Variants in SLC3A1 observed in about 807,000 individuals in gnomAD.
The protein encoded by SLC3A1 is solute carrier family 3 member 1.
In SLC3A1, 78 loss-of-function variants were observed where a neutral mutation model predicts 60.3. That is an observed-to-expected ratio of 1.29 (90% confidence interval 1.08 to 1.56). The LOEUF (loss-of-function observed/expected upper bound fraction) is 1.56, where lower values mean the gene tolerates loss of function less well. Ranked by LOEUF, SLC3A1 falls within the 40% of genes most tolerant of loss-of-function variation. The pLI is 0.00. For synonymous variants in SLC3A1, 392 were observed against 307.9 expected, an observed-to-expected ratio of 1.27 and a Z score of -2.86; for missense variants, 1,172 against 858.9, an observed-to-expected ratio of 1.36 and a Z score of -4.56.
intron 4 of SLC3A1, among the ~76,000 whole-genome samples, chr2:44,298,950 G>A (rs1342276855): frequency 6.6e-6 from 1 of 151,312 alleles, no homozygotes; most frequent in Admixed American, 6.6e-5. Context: ...AAATGTATGA[G>A]AACCTGGATT....
intron 4 of SLC3A1, among the ~76,000 whole-genome samples, chr2:44,299,266 T>G (rs575389806): frequency 1.3e-5 from 2 of 152,140 alleles, no homozygotes; most frequent in Non-Finnish European, 2.9e-5. Flanking sequence ...GTCAAACTCC[T>G]GACCTCAGGT....
intron 3 of SLC3A1, among the ~76,000 whole-genome samples, chr2:44,282,659 G>C (rs962020855): frequency 4.0e-5 from 6 of 151,408 alleles, no homozygotes; most frequent in African/African-American, 1.2e-4. Context: ...TCAGAGACAG[G>C]GTCTTGCTCT....
intron 7 of SLC3A1, among the ~76,000 whole-genome samples, chr2:44,306,336 CTG>C (rs1220409457): frequency 6.6e-6 from 1 of 152,112 alleles, no homozygotes; most frequent in Non-Finnish European, 1.5e-5. Flanking sequence ...CTGGCAGAAT[CTG>C]TGAACCACAA....
At chr2:44,286,619 GGT>G (rs1394250865) in intron 4 of SLC3A1, among the ~76,000 whole-genome samples, 5 of 137,922 alleles carry the variant, frequency 3.6e-5, no homozygotes, top group Middle Eastern at 3.7e-3. Context: ...TGAGCTGTGC[GGT>G]GTCTGTGACT....
intron 3 of SLC3A1, among the ~76,000 whole-genome samples, chr2:44,283,129 C>T (rs1160259194): frequency 6.6e-6 from 1 of 152,068 alleles, no homozygotes; most frequent in South Asian, 2.1e-4. Flanking sequence ...CTCCTCCAGT[C>T]CCTCCTTCTC....
intron 4 of SLC3A1, among the ~76,000 whole-genome samples, chr2:44,297,978 T>C (rs1671896721): frequency 2.0e-5 from 3 of 152,234 alleles, no homozygotes; most frequent in Admixed American, 2.0e-4. Flanking sequence ...ATTCATCGTA[T>C]GGATAGACCA....
At chr2:44,304,033 T>C in intron 6 of SLC3A1, 110 bp from the exon 7 acceptor site, 1 of 833,130 alleles carries the variant, frequency 1.2e-6, no homozygotes, top group East Asian at 2.4e-5. Context: ...ATATGGTTAA[T>C]AGTGTGCATT....
At chr2:44,308,345 G>C (rs1030998381) in intron 7 of SLC3A1, among the ~76,000 whole-genome samples, 2 of 152,124 alleles carry the variant, frequency 1.3e-5, no homozygotes, top group Non-Finnish European at 2.9e-5. Context: ...ATATTTCCAT[G>C]TGAATTTTAG....
At position 44,301,798 on chromosome 2, in the gene SLC3A1, T is replaced by C. The variant is rs112480441; in HGVS notation, c.1136+671T>C. Among the ~76,000 whole-genome samples, 546 of 148,432 alleles carry C rather than the reference T, an allele frequency of 3.7e-3. 2 individuals carry two copies. The highest frequency in any genetic ancestry group is 0.013 in the African/African-American group (528 of 40,080). ...ACCAGCTCCACCTGGGTGCGGTAGC[T>C]CATGCCTGTAATCCCAGCACTGTGT... On this transcript the variant is annotated intron_variant, in intron 6 of 9. Transcript: ENST00000260649.
intron 1 of SLC3A1, among the ~76,000 whole-genome samples, chr2:44,276,861 ATTGG>A (rs1351306330): frequency 6.6e-6 from 1 of 152,220 alleles, no homozygotes; most frequent in African/African-American, 2.4e-5. Context: ...TTCTGAGCAA[ATTGG>A]TTGGTATGGT....
chr2:44,281,336 T>A, intron 2 of SLC3A1, 51 bp from the exon 3 acceptor site: 1 of 1,513,742 alleles, frequency 6.6e-7, no homozygotes, highest in Non-Finnish European at 9.2e-7. Context: ...CTGTCATATG[T>A]TATTCTAATA....
chr2:44,312,935 T>C (rs553539291), intron 8 of SLC3A1, 182 bp downstream of exon 8: 329 of 593,348 alleles, frequency 5.5e-4, no homozygotes, highest in Non-Finnish European at 5.9e-4. Flanking sequence ...GAGAGCTTAT[T>C]TTAAAAATGC....
chr2:44,321,342 T>C lies in SLC3A1; in HGVS notation c.*703T>C, dbSNP rs371661697. ...ATTTCAGTGTGTTTCCAATTCCCAG[T>C]TGAATGCAGTGTTTCAGAATTTCAG... On this transcript the variant is annotated 3_prime_UTR_variant, in exon 10 of 10. Coordinates refer to ENST00000260649, the MANE Select transcript of SLC3A1 (RefSeq NM_000341.4). 369 of 1,580,064 alleles carry C rather than the reference T, an allele frequency of 2.3e-4. No individual in the cohort carries two copies. The African/African-American group carries it at 4.3e-3, about 19-fold the overall frequency.
At chr2:44,313,651 C>G (rs967301510) in intron 8 of SLC3A1, among the ~76,000 whole-genome samples, 184 bp from the exon 9 acceptor site, 2 of 152,136 alleles carry the variant, frequency 1.3e-5, no homozygotes, top group Non-Finnish European at 2.9e-5. Context: ...TAGGTACTTT[C>G]TAGTTAAAAG....
chr2:44,279,739 T>G (rs1671448656), intron 1 of SLC3A1, among the ~76,000 whole-genome samples: 1 of 152,198 alleles, frequency 6.6e-6, no homozygotes, highest in Non-Finnish European at 1.5e-5. Context: ...TATTTTTTTT[T>G]GTATTTTAAG....
chr2:44,320,353 G>C lies in SLC3A1; in HGVS notation c.1772G>C (p.Arg591Thr), dbSNP rs757801204. 2.5e-6 allele frequency: 4 copies of C among 1,614,142 alleles called. No individual in the cohort carries two copies. Among genetic ancestry groups the C allele is most frequent in the South Asian group, 1.1e-5 (1 of 91,086 alleles). ...VYTRELDGID[R>T]IFIVVLNFGE... is the part of the protein sequence containing the mutation. ...ACAAGAGAGCTGGATGGCATCGACA[G>C]AATCTTTATCGTGGTTCTGAATTTT... The change falls in exon 10 of 10, where the codon AGA becomes ACA. Residue 591 changes from arginine (R) to threonine (T), a missense_variant. By Grantham distance (71) the Arg-to-Thr change is moderately conservative (BLOSUM62 -1). Transcript: ENST00000260649.
chr2:44,312,654 G>T lies in SLC3A1; in HGVS notation c.1401G>T (p.Met467Ile). ...ATCAGTATGTCAACGTGATGAACAT[G>T]CTTCTTTTCACACTCCCTGGAACTC... ...LGNQYVNVMN[M>I]LLFTLPGTPI... Residue 467 changes from methionine to isoleucine, a missense_variant, in exon 8 of 10, where the codon ATG (methionine) becomes ATT (isoleucine). Coordinates refer to ENST00000260649, the MANE Select transcript of SLC3A1 (RefSeq NM_000341.4). 6.2e-7 allele frequency: 1 copy of T among 1,613,868 alleles called. No homozygotes were observed. The highest frequency in any genetic ancestry group is 1.1e-5 in the South Asian group (1 of 91,076).
At chr2:44,285,797 G>T in intron 3 of SLC3A1, 2 of 659,516 alleles carry the variant, frequency 3.0e-6, no homozygotes, top group South Asian at 1.5e-5. Flanking sequence ...GTTTGCTGTT[G>T]CAGTTGTTAC....
chr2:44,303,632 C>T (rs372014169), intron 6 of SLC3A1, among the ~76,000 whole-genome samples: 2 of 152,018 alleles, frequency 1.3e-5, no homozygotes, highest in South Asian at 4.2e-4. Flanking sequence ...GTACAACATG[C>T]AGGTTTGTTA....
Sources: gnomAD v4.1 joint callset for allele counts (sites outside exome capture counted in the v4.1 genomes callset) on GRCh38, gnomAD v4.1.1 for gene constraint, MANE v1.5 for transcripts, NCBI Gene and HGNC (gene_info 2026-07-23, HGNC 2026-07-21) for gene names.